The following SPATS2L variants were observed in gnomAD, a reference collection of about 807,000 sequenced individuals.
SPATS2L encodes the protein SPATS2-like protein.
SPATS2L carries 30 observed loss-of-function variants against 59.6 expected under a neutral mutation model. That is an observed-to-expected ratio of 0.50 (90% CI 0.38 to 0.68). The LOEUF (loss-of-function observed/expected upper bound fraction) is 0.68, where lower values mean the gene tolerates loss of function less well. Among genes scored for constraint, SPATS2L ranks in the 30% least tolerant of loss-of-function variants. The probability of loss-of-function intolerance (pLI) is 0.00; values close to 1 mark genes in which losing one functional copy is unlikely to be tolerated. For synonymous variants in SPATS2L, 252 were observed against 263.5 expected, an observed-to-expected ratio of 0.96 and a Z score of 0.42; for missense variants, 615 against 700.0, an observed-to-expected ratio of 0.88 and a Z score of 1.37.
chr2:200,442,792 G>T (rs568409645), intron 8 of SPATS2L, among the ~76,000 whole-genome samples: 2 of 152,140 alleles, frequency 1.3e-5, no homozygotes, highest in Non-Finnish European at 2.9e-5. Flanking sequence ...TACTCCTCAA[G>T]AGCTGAAAGC....
chr2:200,473,707 A>T (rs2087258009), intron 12 of SPATS2L, among the ~76,000 whole-genome samples: 1 of 152,198 alleles, frequency 6.6e-6, no homozygotes, highest in Non-Finnish European at 1.5e-5. Flanking sequence ...AATTAACAAA[A>T]AATTGGGATC....
chr2:200,416,691 A>T (rs1017423720), intron 5 of SPATS2L, among the ~76,000 whole-genome samples: 1 of 152,214 alleles, frequency 6.6e-6, no homozygotes, highest in Non-Finnish European at 1.5e-5. Context: ...TTAAGTATAA[A>T]GGGGAGCCCA....
chr2:200,397,137 C>T (rs940327628), intron 3 of SPATS2L, among the ~76,000 whole-genome samples: 2 of 152,220 alleles, frequency 1.3e-5, no homozygotes, highest in African/African-American at 2.4e-5. Flanking sequence ...TTCTCTCCTG[C>T]TTCTCCTGCC....
chr2:200,446,745 A>G (rs1234087565), intron 8 of SPATS2L, among the ~76,000 whole-genome samples: 1 of 152,144 alleles, frequency 6.6e-6, no homozygotes, highest in African/African-American at 2.4e-5. Context: ...TCTTGCCCCC[A>G]GTTGCCCTCC....
rs149495638 is a variant in SPATS2L at position 200,369,499 on chromosome 2, A to C, written c.-22-19724A>C. On this transcript the variant is annotated intron_variant, in intron 2 of 12. Coordinates refer to ENST00000409140, the MANE Select transcript of SPATS2L (RefSeq NM_001100423.2). Reference sequence around the variant, plus strand: ...TTTAAAAAGAATGCAGGGAGAGGCCAATAACCAAGAACAAATATCAAAGAG... The same window carrying C: ...TTTAAAAAGAATGCAGGGAGAGGCCCATAACCAAGAACAAATATCAAAGAG... Among the ~76,000 whole-genome samples the C allele has an allele frequency of 4.1e-3, 617 of 152,302 alleles. 2 individuals carry two copies. The highest frequency in any genetic ancestry group is 0.014 in the African/African-American group (592 of 41,548).
chr2:200,382,713 G>T (rs918621885), intron 2 of SPATS2L, among the ~76,000 whole-genome samples: 1 of 152,066 alleles, frequency 6.6e-6, no homozygotes, highest in Admixed American at 6.5e-5. Flanking sequence ...TTGTGCTTCA[G>T]TTTCCACGTA....
In SPATS2L at chr2:200,468,378, A is replaced by ACACACACACACACACACACACG. The variant is rs1187268085; in HGVS notation, c.957+980_957+981insACACACACACACACACACACGC. ...CACACACACACACACACACACACAC[A>ACACACACACACACACACACACG]CGCCTTCCAGCTTCTTACCCACTTC... On this transcript the variant is annotated intron_variant, in intron 10 of 12. Transcript: ENST00000409140. 1.1e-4 allele frequency among the ~76,000 whole-genome samples: 17 copies of ACACACACACACACACACACACG among 151,396 alleles called. No individual in the cohort carries two copies. The South Asian group carries it at 1.7e-3, about 15-fold the overall frequency.
intron 12 of SPATS2L, among the ~76,000 whole-genome samples, chr2:200,477,225 A>C (rs531175197): frequency 6.6e-6 from 1 of 152,170 alleles, no homozygotes; most frequent in East Asian, 1.9e-4. Context: ...TTCTGTGTAC[A>C]ATTTCTGTGC....
intron 2 of SPATS2L, among the ~76,000 whole-genome samples, chr2:200,380,786 T>G (rs1172004412): frequency 6.6e-6 from 1 of 152,224 alleles, no homozygotes; most frequent in Admixed American, 6.5e-5. Context: ...GAAATGTCTT[T>G]GAATGAAAAT....
chr2:200,329,065 A>G (rs1199746350), intron 1 of SPATS2L, among the ~76,000 whole-genome samples: 1 of 152,206 alleles, frequency 6.6e-6, no homozygotes, highest in Non-Finnish European at 1.5e-5. Context: ...GAGTTAGCCT[A>G]TGTGAAGCCC....
intron 3 of SPATS2L, 80 bp downstream of exon 3, chr2:200,389,363 G>T (rs1355813767): frequency 1.0e-6 from 1 of 1,003,592 alleles, no homozygotes. Flanking sequence ...CTCAATTACA[G>T]TGGAGAAAGG....
Position 200,393,296 on chromosome 2 carries a change from G to C in SPATS2L, c.39+4013G>C, listed in dbSNP as rs73057899. The stretch of plus-strand genomic sequence containing the variant: ...ATGGTAGGCAGAGCAGCCGACATTA[G>C]AGTGTCTTATTCAAAACAGAGGTGG... On this transcript the variant is annotated intron_variant, in intron 3 of 12. Transcript: ENST00000409140. 246 of 456,794 alleles carry C rather than the reference G, an allele frequency of 5.4e-4. 1 individual carries two copies. The highest frequency in any genetic ancestry group is 4.7e-3 in the African/African-American group (237 of 50,196). The allele number at this position is 456,794 out of a possible 1,614,324, so 28.3% of individuals were successfully genotyped here.
chr2:200,342,719 G>A (rs1299698305), intron 2 of SPATS2L, among the ~76,000 whole-genome samples: 2 of 152,136 alleles, frequency 1.3e-5, no homozygotes, highest in Admixed American at 1.3e-4. Context: ...CCTGTTTGGG[G>A]GCTTTTCCAA....
At chr2:200,355,900 T>G (rs1479346819) in intron 2 of SPATS2L, among the ~76,000 whole-genome samples, 1 of 152,226 alleles carries the variant, frequency 6.6e-6, no homozygotes, top group East Asian at 1.9e-4. Context: ...GAAGGTTGTT[T>G]CCTTATTTCC....
intron 8 of SPATS2L, among the ~76,000 whole-genome samples, chr2:200,445,118 C>G (rs2084946996): frequency 6.6e-6 from 1 of 151,866 alleles, no homozygotes; most frequent in African/African-American, 2.4e-5. Context: ...TGAAACCAAT[C>G]TGGGCAACAC....
chr2:200,407,542 A>G (rs2082729082), intron 3 of SPATS2L, among the ~76,000 whole-genome samples: 1 of 152,110 alleles, frequency 6.6e-6, no homozygotes, highest in South Asian at 2.1e-4. Context: ...CCTGTCATTT[A>G]ATGGGGGCTC....
At position 200,399,017 on chromosome 2, in the gene SPATS2L, G is replaced by T. The variant is rs2082437940; in HGVS notation, c.39+9734G>T. On this transcript the variant is annotated intron_variant, in intron 3 of 12. Transcript: ENST00000409140. ...TGAAGGTAATTATCAAAAATATATT[G>T]AAATGATGATTTAGGATCAATTATA... 2.0e-5 allele frequency among the ~76,000 whole-genome samples: 3 copies of T among 152,182 alleles called. No individual in the cohort carries two copies. In the South Asian group the frequency reaches 6.2e-4, roughly 32 times the overall value.
At chr2:200,474,315 T>C (rs1277412614) in intron 12 of SPATS2L, among the ~76,000 whole-genome samples, 1 of 152,112 alleles carries the variant, frequency 6.6e-6, no homozygotes, top group Non-Finnish European at 1.5e-5. Flanking sequence ...TTTTTACTTG[T>C]AGTCTAAATA....
chr2:200,423,315 C>G (rs763507019), intron 6 of SPATS2L, among the ~76,000 whole-genome samples: 20 of 152,176 alleles, frequency 1.3e-4, no homozygotes, highest in Non-Finnish European at 1.3e-4. Context: ...AATGCTTGCT[C>G]AATCTACTGG....
Sources: gnomAD v4.1 joint callset for allele counts (sites outside exome capture counted in the v4.1 genomes callset) on GRCh38, gnomAD v4.1.1 for gene constraint, MANE v1.5 for transcripts, NCBI Gene and HGNC (gene_info 2026-07-23, HGNC 2026-07-21) for gene names.